The following SLC10A7 variants were observed in gnomAD, a reference collection of about 807,000 sequenced individuals.
The protein encoded by SLC10A7 is solute carrier family 10 member 7.
A neutral mutation model predicts 43.2 loss-of-function variants in SLC10A7; 29 were observed. That is an observed-to-expected ratio of 0.67 (90% CI 0.50 to 0.92). The LOEUF (loss-of-function observed/expected upper bound fraction) is 0.92. Among genes scored for constraint, SLC10A7 ranks in the 40% least tolerant of loss-of-function variants. SLC10A7 has a pLI of 0.00. For missense variants in SLC10A7, 295 were observed against 403.2 expected (o/e 0.73, Z 2.30); for synonymous variants, 152 against 144.8 (o/e 1.05, Z -0.35).
intron 5 of SLC10A7, 172 bp downstream of exon 5, chr4:146,442,611 T>C: frequency 6.9e-7 from 1 of 1,456,998 alleles, no homozygotes; most frequent in Non-Finnish European, 9.0e-7. Context: ...AGAGAACATT[T>C]GCTTTATTCA....
intron 5 of SLC10A7, among the ~76,000 whole-genome samples, chr4:146,402,582 G>A (rs1205361497): frequency 6.6e-6 from 1 of 152,064 alleles, no homozygotes; most frequent in Non-Finnish European, 1.5e-5. Context: ...GGGAGGGAAG[G>A]AAACCAAAAA....
At chr4:146,441,735 T>C (rs1466641671) in intron 5 of SLC10A7, 1 of 985,172 alleles carries the variant, frequency 1.0e-6, no homozygotes, top group East Asian at 1.1e-4. Flanking sequence ...TTACTGGCTC[T>C]ATAAAAATAG....
intron 5 of SLC10A7, among the ~76,000 whole-genome samples, chr4:146,362,640 TA>T (rs202052047): frequency 0.056 from 8,511 of 151,964 alleles, 349 homozygotes; most frequent in South Asian, 0.18. Flanking sequence ...TTAAATCTAA[TA>T]AAAATAATAA....
chr4:146,511,554 A>C (rs1229405014), intron 2 of SLC10A7, among the ~76,000 whole-genome samples: 3 of 152,206 alleles, frequency 2.0e-5, no homozygotes, highest in Non-Finnish European at 2.9e-5. Flanking sequence ...CCACATTCTG[A>C]GATTAGTCTC....
intron 5 of SLC10A7, among the ~76,000 whole-genome samples, chr4:146,379,959 C>G (rs2630289): frequency 0.064 from 5,116 of 80,184 alleles, 175 homozygotes; most frequent in African/African-American, 0.18. Context: ...CTCTCTCTCT[C>G]TGTGTGTGTG....
rs918422866 is a variant in SLC10A7, at chr4:146,288,312, C to A, written c.773+4617G>T. On this transcript the variant is annotated intron_variant, in intron 9 of 11. Transcript: ENST00000335472. ...TCTCTTCAGGAGGGTGGTAAATTAC[C>A]ACAGCATAAGCATTATTGAGCATTT... Among the ~76,000 whole-genome samples, 3 of 152,124 alleles carry A rather than the reference C, an allele frequency of 2.0e-5. No individual in the cohort carries two copies. The East Asian group carries it at 5.8e-4, about 29-fold the overall frequency.
chr4:146,385,252 C>T (rs1186924867), intron 5 of SLC10A7, among the ~76,000 whole-genome samples: 1 of 152,126 alleles, frequency 6.6e-6, no homozygotes, highest in Non-Finnish European at 1.5e-5. Context: ...GTGGCAGGTG[C>T]TTCACATGTC....
At chr4:146,440,906 C>T (rs1314321584) in intron 5 of SLC10A7, among the ~76,000 whole-genome samples, 1 of 152,218 alleles carries the variant, frequency 6.6e-6, no homozygotes, top group African/African-American at 2.4e-5. Context: ...CAAGGCCCAG[C>T]TCAGAGCAAT....
intron 5 of SLC10A7, among the ~76,000 whole-genome samples, chr4:146,331,677 A>C (rs1469184974): frequency 6.6e-6 from 1 of 152,046 alleles, no homozygotes; most frequent in Admixed American, 6.6e-5. Context: ...TACTTTGACA[A>C]CTCCCTTCTT....
chr4:146,304,555 C>T (rs151229553), intron 7 of SLC10A7, among the ~76,000 whole-genome samples: 2,785 of 152,122 alleles, frequency 0.018, 77 homozygotes, highest in East Asian at 0.087. Context: ...TGTAGTTGAG[C>T]GGTTTAGAGT....
chr4:146,301,806 C>T (rs1248085481), intron 7 of SLC10A7, among the ~76,000 whole-genome samples: 1 of 151,944 alleles, frequency 6.6e-6, no homozygotes. Flanking sequence ...ATTCCTAAGA[C>T]CAGAATACAA....
chr4:146,295,524 G>C (rs1399554689), intron 7 of SLC10A7, among the ~76,000 whole-genome samples: 2 of 152,004 alleles, frequency 1.3e-5, no homozygotes, highest in African/African-American at 4.8e-5. Flanking sequence ...GTGATGTACA[G>C]AAAAATAAAA....
At chr4:146,351,538 C>G (rs928947759) in intron 5 of SLC10A7, among the ~76,000 whole-genome samples, 1 of 149,850 alleles carries the variant, frequency 6.7e-6, no homozygotes, top group Non-Finnish European at 1.5e-5. Context: ...CAGAGAATGC[C>G]ACAAAGATAC....
chr4:146,454,316 A>G lies in SLC10A7; in HGVS notation c.397-11495T>C, dbSNP rs17021538. On this transcript the variant is annotated intron_variant, in intron 4 of 11. Coordinates refer to ENST00000335472, the MANE Select transcript of SLC10A7 (RefSeq NM_001029998.6). Reference sequence around the variant, plus strand: ...AAATCTCAGTCTTCAAAGGTGTTCAATTTCTATAAAATCAGAATTTTTAAG... The same window carrying G: ...AAATCTCAGTCTTCAAAGGTGTTCAGTTTCTATAAAATCAGAATTTTTAAG... Among the ~76,000 whole-genome samples the G allele has an allele frequency of 6.2e-3, 943 of 152,016 alleles. 13 individuals carry two copies. Among genetic ancestry groups the G allele is most frequent in the African/African-American group, 0.022 (905 of 41,544 alleles).
chr4:146,310,827 C>A (rs1323339823), intron 6 of SLC10A7, among the ~76,000 whole-genome samples: 1 of 151,986 alleles, frequency 6.6e-6, no homozygotes, highest in Non-Finnish European at 1.5e-5. Context: ...AGCTCCAAAG[C>A]CCTCACACTT....
chr4:146,296,552 T>C (rs1171041958), intron 7 of SLC10A7, among the ~76,000 whole-genome samples: 1 of 152,150 alleles, frequency 6.6e-6, no homozygotes, highest in Non-Finnish European at 1.5e-5. Context: ...ATACCTAATC[T>C]CAATAAAGAA....
chr4:146,337,304 G>C (rs1203940832), intron 5 of SLC10A7, among the ~76,000 whole-genome samples: 2 of 152,026 alleles, frequency 1.3e-5, no homozygotes, highest in African/African-American at 2.4e-5. Flanking sequence ...ACCTAACAGA[G>C]CTCACTTTGG....
chr4:146,304,723 T>G (rs1731422518), intron 7 of SLC10A7, among the ~76,000 whole-genome samples: 1 of 152,130 alleles, frequency 6.6e-6, no homozygotes, highest in Admixed American at 6.6e-5. Flanking sequence ...AAATGTATAT[T>G]CTGTTGATTT....
At chr4:146,510,470 A>T (rs918713436) in intron 2 of SLC10A7, among the ~76,000 whole-genome samples, 2 of 152,110 alleles carry the variant, frequency 1.3e-5, no homozygotes, top group African/African-American at 4.8e-5. Context: ...CATGTTGGGC[A>T]GAATGGTCTT....
Sources: gnomAD v4.1 joint callset for allele counts (sites outside exome capture counted in the v4.1 genomes callset) on GRCh38, gnomAD v4.1.1 for gene constraint, MANE v1.5 for transcripts, NCBI Gene and HGNC (gene_info 2026-07-23, HGNC 2026-07-21) for gene names.